Variants in TUBGCP2 observed in about 807,000 individuals in gnomAD.
The protein encoded by TUBGCP2 is tubulin gamma complex component 2.
A neutral mutation model predicts 92.2 loss-of-function variants in TUBGCP2; 55 were observed. The observed-to-expected ratio is 0.60, with a 90% confidence interval of 0.48 to 0.75. TUBGCP2 has a LOEUF of 0.75. TUBGCP2 is among the 30% of genes least tolerant of loss of function. TUBGCP2 has a pLI of 0.00. For synonymous variants in TUBGCP2, 533 were observed against 505.2 expected (o/e 1.06, Z -0.74); for missense variants, 1,093 against 1,188.9 (o/e 0.92, Z 1.19).
At position 133,289,131 on chromosome 10, in the gene TUBGCP2, C is replaced by T. The variant is rs554984726; in HGVS notation, c.1361-111G>A. The T allele has an allele frequency of 7.6e-5, 95 of 1,253,966 alleles. No individual in the cohort carries two copies. In the African/African-American group the frequency reaches 1.2e-3, roughly 15 times the overall value. 77.7% of individuals were successfully genotyped at this position (1,253,966 alleles called of 1,614,324 possible). ...ATGGACATTGAATGGGCTCTCCACA[C>T]GGTCAGTCTGAGGCCCCAGCTGTCT... On this transcript the variant is annotated intron_variant, in intron 9 of 17. Transcript: ENST00000252936.
At chr10:133,303,122 A>C in intron 1 of TUBGCP2, 142 bp from the exon 2 acceptor site, 2 of 727,136 alleles carry the variant, frequency 2.8e-6, no homozygotes, top group Non-Finnish European at 4.5e-6. Context: ...CCCTCCCCCA[A>C]CAGCCCAGCA....
At chr10:133,297,013 G>A (rs931583048) in intron 5 of TUBGCP2, among the ~76,000 whole-genome samples, 3 of 152,208 alleles carry the variant, frequency 2.0e-5, no homozygotes, top group African/African-American at 4.8e-5. Flanking sequence ...AGCAGACCAC[G>A]CTCCATGCTG....
Position 133,283,143 on chromosome 10 carries a change from G to T in TUBGCP2, c.2224C>A (p.Pro742Thr), listed in dbSNP as rs769111316. The T allele has an allele frequency of 1.9e-6, 3 of 1,614,272 alleles. No individual in the cohort carries two copies. The highest frequency in any genetic ancestry group is 2.5e-6 in the Non-Finnish European group (3 of 1,180,058). The change falls in exon 15 of 18, where the codon CCC (proline) becomes ACC (threonine). Residue 742 changes from proline to threonine, a missense_variant. By Grantham distance (38) the Pro-to-Thr change is conservative (BLOSUM62 -1). Around this residue, in one of 3 missense-constraint regions of TUBGCP2, gnomAD observed 598 missense variants for 675.5 expected, o/e 0.89. Coordinates refer to ENST00000252936, the MANE Select transcript of TUBGCP2 (RefSeq NM_006659.4). ...TCLKDCMLTN[P>T]ELLKVFSKLM... ...TTGGAGAAGACCTTCAGCAGCTCGG[G>T]GTTGGTGAGCATGCAGTCCTTCAGG...
chr10:133,308,937 C>T (rs1847906642), upstream of TUBGCP2: 10 of 1,224,226 alleles, frequency 8.2e-6, no homozygotes, highest in African/African-American at 1.6e-5. Flanking sequence ...CGCCCGCGCC[C>T]GGGGTGATGC....
intron 14 of TUBGCP2, among the ~76,000 whole-genome samples, chr10:133,283,605 A>G (rs1471012658): frequency 6.6e-6 from 1 of 152,202 alleles, no homozygotes; most frequent in African/African-American, 2.4e-5. Flanking sequence ...GTGTGGGTGC[A>G]GCCCCGCCCT....
intron 16 of TUBGCP2, among the ~76,000 whole-genome samples, 173 bp downstream of exon 16, chr10:133,282,050 A>G (rs899101781): frequency 1.3e-5 from 2 of 152,244 alleles, no homozygotes; most frequent in Admixed American, 6.5e-5. Context: ...AGCTGAGAAG[A>G]TTGTGAGAGG....
At chr10:133,281,567 T>C in intron 16 of TUBGCP2, 131 bp from the exon 17 acceptor site, 1 of 1,206,474 alleles carries the variant, frequency 8.3e-7, no homozygotes, top group Non-Finnish European at 1.1e-6. Flanking sequence ...GGTTCCATGA[T>C]GTTTTCAGGA....
At position 133,283,163 on chromosome 10, in the gene TUBGCP2, T is replaced by C; in HGVS notation, c.2204A>G (p.Lys735Arg). ...CTCGGGGTTGGTGAGCATGCAGTCC[T>C]TCAGGCAGGTGTCCAGGAAGCCTGT... is the stretch of plus-strand genomic sequence containing the variant. The part of the protein sequence containing the change: ...HHTGFLDTCL[K>R]DCMLTNPELL... Residue 735 changes from lysine to arginine, a missense_variant, in exon 15 of 18, where the codon AAG (lysine) becomes AGG (arginine). Physicochemically the swap from Lys to Arg is conservative, Grantham distance 26 (BLOSUM62 2). Transcript: ENST00000252936. The C allele has an allele frequency of 1.2e-6, 2 of 1,614,234 alleles. No homozygotes were observed. The highest frequency in any genetic ancestry group is 1.7e-6 in the Non-Finnish European group (2 of 1,180,050).
intron 8 of TUBGCP2, chr10:133,291,173 G>A (rs1045511733): frequency 1.2e-5 from 5 of 406,002 alleles, no homozygotes; most frequent in Non-Finnish European, 1.3e-5. Flanking sequence ...ACATCTGCCC[G>A]GGGTGTGCTT....
Position 133,282,748 on chromosome 10 carries a change from C to G in TUBGCP2, c.2289+330G>C, listed in dbSNP as rs79143278. 9.2e-5 allele frequency among the ~76,000 whole-genome samples: 14 copies of G among 152,336 alleles called. No homozygotes were observed. The East Asian group carries it at 2.7e-3, about 29-fold the overall frequency. On this transcript the variant is annotated intron_variant, in intron 15 of 17. Coordinates refer to ENST00000252936, the MANE Select transcript of TUBGCP2 (RefSeq NM_006659.4). ...GTCGGCAGCTGCTTGTGACTAGTGCCTGCAGGTCCTTAACGGAATCAAATA... is the reference window on the plus strand; with the variant it reads ...GTCGGCAGCTGCTTGTGACTAGTGCGTGCAGGTCCTTAACGGAATCAAATA...
chr10:133,291,253 TGTCCC>T, intron 8 of TUBGCP2, among the ~76,000 whole-genome samples: 1 of 64,852 alleles, frequency 1.5e-5, no homozygotes, highest in African/African-American at 3.0e-4. Context: ...GTGTCCCCCA[TGTCCC>T]TCCGTGTCCC....
chr10:133,301,206 G>A (rs1229850488), intron 2 of TUBGCP2, among the ~76,000 whole-genome samples: 1 of 152,100 alleles, frequency 6.6e-6, no homozygotes, highest in Non-Finnish European at 1.5e-5. Context: ...TAGGCTCACC[G>A]CAACCTCCAC....
upstream of TUBGCP2, chr10:133,309,006 G>T (rs769561641): frequency 5.6e-6 from 7 of 1,251,950 alleles, no homozygotes; most frequent in South Asian, 3.7e-5. Flanking sequence ...CGGAGCCGCT[G>T]CCTGTAGAGC....
intron 5 of TUBGCP2, among the ~76,000 whole-genome samples, chr10:133,296,413 C>G (rs866485082): frequency 6.6e-6 from 1 of 152,166 alleles, no homozygotes; most frequent in East Asian, 1.9e-4. Context: ...CTCTCTCTCC[C>G]TAAGTCTTCA....
At chr10:133,293,827 A>G in intron 5 of TUBGCP2, 58 bp from the exon 6 acceptor site, 4 of 1,481,140 alleles carry the variant, frequency 2.7e-6, no homozygotes, top group Non-Finnish European at 3.7e-6. Context: ...CCCCACAGCC[A>G]CGTGCCCTCA....
At chr10:133,304,397 G>C (rs1196393824) in intron 1 of TUBGCP2, among the ~76,000 whole-genome samples, 4 of 152,210 alleles carry the variant, frequency 2.6e-5, no homozygotes, top group Non-Finnish European at 4.4e-5. Context: ...ATCTACACAA[G>C]GGTTCTTAAG....
intron 1 of TUBGCP2, among the ~76,000 whole-genome samples, chr10:133,303,555 A>G (rs933060385): frequency 2.3e-4 from 35 of 152,098 alleles, no homozygotes; most frequent in Admixed American, 2.2e-3. Flanking sequence ...CTACACAGGG[A>G]GCTCTGTGCA....
intron 1 of TUBGCP2, among the ~76,000 whole-genome samples, chr10:133,305,042 T>C (rs1306733003): frequency 1.3e-5 from 2 of 152,034 alleles, no homozygotes; most frequent in African/African-American, 4.8e-5. Flanking sequence ...CCGGAGAGTT[T>C]AGAGAAGACT....
intron 16 of TUBGCP2, chr10:133,281,648 G>A (rs77720165): frequency 0.02 from 12,028 of 615,942 alleles, 152 homozygotes; most frequent in Non-Finnish European, 0.027. Flanking sequence ...TCCAGGCCTC[G>A]TGGGATGAGG....
Sources: allele counts gnomAD v4.1 joint callset (sites outside exome capture counted in the v4.1 genomes callset), GRCh38; gene constraint gnomAD v4.1.1; regional missense constraint gnomAD v4.1.1; transcripts MANE v1.5; gene names NCBI Gene and HGNC (gene_info 2026-07-23, HGNC 2026-07-21).